PACRG: variants seen among roughly 807,000 people sequenced by gnomAD.
The protein encoded by PACRG is parkin coregulated gene protein.
PACRG carries 29 observed loss-of-function variants against 29.7 expected under a neutral mutation model. That is an observed-to-expected ratio of 0.98 (90% CI 0.73 to 1.33). The LOEUF (loss-of-function observed/expected upper bound fraction) is 1.33. Among genes scored for constraint, PACRG ranks in the 40% most tolerant of loss-of-function variants. The pLI, the probability that PACRG is intolerant of heterozygous loss-of-function variation, is 0.00. For synonymous variants in PACRG, 116 were observed against 118.7 expected (o/e 0.98, Z 0.15); for missense variants, 279 against 316.2 (o/e 0.88, Z 0.89).
chr6:163,187,092 T>G (rs1167991180), intron 4 of PACRG, among the ~76,000 whole-genome samples: 1 of 152,240 alleles, frequency 6.6e-6, no homozygotes, highest in Non-Finnish European at 1.5e-5. Flanking sequence ...TCCCTATCAG[T>G]GGCTCCCAAA....
At chr6:163,152,413 T>C (rs542803606) in intron 4 of PACRG, among the ~76,000 whole-genome samples, 7 of 152,328 alleles carry the variant, frequency 4.6e-5, no homozygotes, top group African/African-American at 1.7e-4. Context: ...CATAAATTTG[T>C]ATATTAATTA....
chr6:162,785,535 G>A (rs1052098638), intron 1 of PACRG, among the ~76,000 whole-genome samples: 3 of 136,622 alleles, frequency 2.2e-5, no homozygotes, highest in African/African-American at 8.1e-5. Context: ...CCGGGGACTG[G>A]TTTCATGGAA....
intron 2 of PACRG, among the ~76,000 whole-genome samples, chr6:162,999,951 A>G (rs1463781279): frequency 6.6e-6 from 1 of 152,194 alleles, no homozygotes; most frequent in African/African-American, 2.4e-5. Context: ...AATGCCTACA[A>G]TGGTAATAAT....
intron 2 of PACRG, among the ~76,000 whole-genome samples, chr6:162,979,931 A>G (rs1802266434): frequency 6.6e-6 from 1 of 152,122 alleles, no homozygotes; most frequent in South Asian, 2.1e-4. Context: ...AAGTTGGTAA[A>G]TAATATTCAG....
At chr6:163,020,402 C>T (rs1806500522) in intron 2 of PACRG, among the ~76,000 whole-genome samples, 1 of 152,022 alleles carries the variant, frequency 6.6e-6, no homozygotes, top group Non-Finnish European at 1.5e-5. Flanking sequence ...CTTTGCCACC[C>T]TCATAAAAAC....
In PACRG at chr6:162,730,570, A is replaced by G. The variant is rs535970890; in HGVS notation, c.156+2179A>G. On this transcript the variant is annotated intron_variant, in intron 1 of 4. Transcript: ENST00000366888. ...ATAGTGATACAAGTACATAAACTTGATAATAAATATGTTTCATCAAATGGG... is the reference window on the plus strand; with the variant it reads ...ATAGTGATACAAGTACATAAACTTGGTAATAAATATGTTTCATCAAATGGG... Among the ~76,000 whole-genome samples the G allele has an allele frequency of 2.0e-5, 3 of 152,302 alleles. No homozygotes were observed. In the South Asian group the frequency reaches 6.2e-4, roughly 32 times the overall value.
intron 4 of PACRG, among the ~76,000 whole-genome samples, chr6:163,282,443 G>A (rs2128184164): frequency 6.6e-6 from 1 of 152,276 alleles, no homozygotes; most frequent in Middle Eastern, 3.4e-3. Flanking sequence ...AGGTGCAGTG[G>A]CTTAGGCCTG....
rs1266293542 is a variant in PACRG at position 163,222,520 on chromosome 6, C to T, written c.614-92307C>T. On this transcript the variant is annotated intron_variant, in intron 4 of 4. Coordinates refer to ENST00000366888, the MANE Select transcript of PACRG (RefSeq NM_001080379.2). Reference sequence around the variant, plus strand: ...GCTTGAACCTGGAAGGCGGAGGTTGCGGTGAGCTGAGATCGCACCACTGTA... The same window carrying T: ...GCTTGAACCTGGAAGGCGGAGGTTGTGGTGAGCTGAGATCGCACCACTGTA... 1.2e-4 allele frequency among the ~76,000 whole-genome samples: 19 copies of T among 152,278 alleles called. No individual in the cohort carries two copies. In the South Asian group the frequency reaches 1.7e-3, roughly 13 times the overall value.
intron 4 of PACRG, among the ~76,000 whole-genome samples, chr6:163,138,865 G>A (rs1304796668): frequency 1.3e-5 from 2 of 152,196 alleles, no homozygotes; most frequent in African/African-American, 4.8e-5. Context: ...GTAACTGTCA[G>A]AGTTTCCTAT....
At chr6:163,294,341 CT>C (rs1354684419) in intron 4 of PACRG, among the ~76,000 whole-genome samples, 3 of 151,980 alleles carry the variant, frequency 2.0e-5, no homozygotes, top group African/African-American at 4.8e-5. Context: ...TCTAAAACCA[CT>C]AAAAAAGCAT....
chr6:162,767,788 A>G (rs1001049130), intron 1 of PACRG, among the ~76,000 whole-genome samples: 6 of 151,774 alleles, frequency 4.0e-5, no homozygotes, highest in African/African-American at 1.2e-4. Context: ...CTCCTTTTTG[A>G]GGATTAATAC....
intron 4 of PACRG, among the ~76,000 whole-genome samples, chr6:163,108,797 T>A (rs1186397460): frequency 6.6e-6 from 1 of 152,144 alleles, no homozygotes; most frequent in Non-Finnish European, 1.5e-5. Context: ...TCCATACAAA[T>A]ACAGGAAATG....
At chr6:162,816,690 C>T (rs1428696429) in intron 2 of PACRG, among the ~76,000 whole-genome samples, 10 of 152,150 alleles carry the variant, frequency 6.6e-5, no homozygotes, top group Admixed American at 3.9e-4. Context: ...TGGGAACCAT[C>T]TGTCCATAGT....
At chr6:162,875,979 A>G (rs1393817290) in intron 2 of PACRG, among the ~76,000 whole-genome samples, 3 of 152,122 alleles carry the variant, frequency 2.0e-5, no homozygotes, top group African/African-American at 7.2e-5. Flanking sequence ...TGAGAAGGAA[A>G]ATGTTTATAC....
At chr6:162,916,198 T>C (rs1195400150) in intron 2 of PACRG, among the ~76,000 whole-genome samples, 1 of 152,192 alleles carries the variant, frequency 6.6e-6, no homozygotes, top group African/African-American at 2.4e-5. Flanking sequence ...TTGAGCACTC[T>C]AAAGATGCTA....
At chr6:163,003,616 A>T (rs1365751037) in intron 2 of PACRG, among the ~76,000 whole-genome samples, 1 of 152,138 alleles carries the variant, frequency 6.6e-6, no homozygotes, top group African/African-American at 2.4e-5. Flanking sequence ...AGTTTTAATT[A>T]TTCTTAAACT....
At chr6:163,169,961 T>A (rs913674791) in intron 4 of PACRG, among the ~76,000 whole-genome samples, 2 of 152,138 alleles carry the variant, frequency 1.3e-5, no homozygotes, top group African/African-American at 4.8e-5. Context: ...CACAGGGTCG[T>A]CCCTCCGTCT....
At chr6:163,099,849 A>G (rs1814931874) in intron 4 of PACRG, among the ~76,000 whole-genome samples, 1 of 152,044 alleles carries the variant, frequency 6.6e-6, no homozygotes, top group Non-Finnish European at 1.5e-5. Flanking sequence ...GGGTGAGTAA[A>G]TTGTTCTGCC....
chr6:163,133,431 T>C (rs1816812976), intron 4 of PACRG, among the ~76,000 whole-genome samples: 1 of 152,214 alleles, frequency 6.6e-6, no homozygotes. Flanking sequence ...TTTTTGTGTA[T>C]AATCCCCAAG....
Sources: gnomAD v4.1 joint callset for allele counts (sites outside exome capture counted in the v4.1 genomes callset) on GRCh38, gnomAD v4.1.1 for gene constraint, MANE v1.5 for transcripts, NCBI Gene and HGNC (gene_info 2026-07-23, HGNC 2026-07-21) for gene names.